GNG4: variants seen among roughly 807,000 people sequenced by gnomAD.
GNG4 encodes the protein guanine nucleotide-binding protein G(I)/G(S)/G(O) subunit gamma-4.
In GNG4, 4 loss-of-function variants were observed where a neutral mutation model predicts 5.8. The observed-to-expected ratio is 0.69, with a 90% CI of 0.34 to 1.57. The LOEUF (loss-of-function observed/expected upper bound fraction) is 1.57, where lower values mean the gene tolerates loss of function less well. Ranked by LOEUF, GNG4 falls within the 40% of genes most tolerant of loss-of-function variation. The probability of loss-of-function intolerance (pLI) is 0.06; values close to 1 mark genes in which losing one functional copy is unlikely to be tolerated. For synonymous variants in GNG4, 29 were observed against 32.9 expected (o/e 0.88, Z 0.41); for missense variants, 96 against 95.1 (o/e 1.01, Z -0.04).
intron 2 of GNG4, among the ~76,000 whole-genome samples, chr1:235,594,752 C>T (rs1688081790): frequency 6.6e-6 from 1 of 152,206 alleles, no homozygotes; most frequent in African/African-American, 2.4e-5. Flanking sequence ...CCAGTTCCCG[C>T]CCGTGCCTCT....
chr1:235,619,202 C>CAA (rs1553371262), intron 1 of GNG4, among the ~76,000 whole-genome samples: 1 of 136,364 alleles, frequency 7.3e-6, no homozygotes, highest in African/African-American at 2.7e-5. Context: ...TACACACACA[C>CAA]ATATATATAT....
chr1:235,599,560 C>A (rs1007554226), intron 1 of GNG4, among the ~76,000 whole-genome samples: 2 of 152,114 alleles, frequency 1.3e-5, no homozygotes, highest in African/African-American at 4.8e-5. Context: ...AAGTGATCCG[C>A]CCACCTTGGC....
At chr1:235,605,313 C>T (rs1688336078) in intron 1 of GNG4, among the ~76,000 whole-genome samples, 1 of 151,978 alleles carries the variant, frequency 6.6e-6, no homozygotes, top group African/African-American at 2.4e-5. Context: ...GCCTTAGCCT[C>T]CCAAGTAGCT....
At chr1:235,640,913 C>T (rs1005537876) in intron 1 of GNG4, among the ~76,000 whole-genome samples, 2 of 152,228 alleles carry the variant, frequency 1.3e-5, no homozygotes, top group African/African-American at 2.4e-5. Context: ...GTGAAGAGGC[C>T]CACTTTGGAG....
intron 1 of GNG4, among the ~76,000 whole-genome samples, chr1:235,631,713 G>A (rs1688935899): frequency 1.3e-5 from 2 of 151,760 alleles, no homozygotes; most frequent in South Asian, 4.2e-4. Context: ...GATTACAGGT[G>A]TATGCCACCA....
chr1:235,595,432 C>T lies in GNG4; in HGVS notation c.-43G>A, dbSNP rs113083427. The stretch of plus-strand genomic sequence containing the variant: ...GAGGCAGCCGTGTGACAGGCCTGGG[C>T]AAGGGACAGAGGCTGGCGGTGGCAG... On this transcript the variant is annotated 5_prime_UTR_variant, in exon 2 of 4. Coordinates refer to ENST00000391854, the MANE Select transcript of GNG4 (RefSeq NM_001098722.2). The T allele has an allele frequency of 0.027, 4,125 of 152,448 alleles. 178 individuals are homozygous for T. The highest frequency in any genetic ancestry group is 0.093 in the African/African-American group (3,879 of 41,518). 9.4% of individuals were successfully genotyped at this position (152,448 alleles called of 1,614,324 possible).
intron 3 of GNG4, among the ~76,000 whole-genome samples, chr1:235,577,518 G>T (rs529368875): frequency 1.8e-4 from 28 of 152,162 alleles, no homozygotes; most frequent in African/African-American, 6.3e-4. Flanking sequence ...TCAGCTCACT[G>T]CAACCTCCGC....
intron 3 of GNG4, among the ~76,000 whole-genome samples, chr1:235,559,172 T>C (rs1686994498): frequency 1.3e-5 from 2 of 152,226 alleles, no homozygotes; most frequent in Admixed American, 1.3e-4. Context: ...AGCATCTTGG[T>C]TGGCTTTGCC....
chr1:235,560,989 T>C (rs573984047), intron 3 of GNG4, among the ~76,000 whole-genome samples: 6 of 152,310 alleles, frequency 3.9e-5, no homozygotes, highest in Admixed American at 3.9e-4. Flanking sequence ...TCTTTTGTGA[T>C]GTGTCTGATC....
At chr1:235,620,559 G>A (rs145089820) in intron 1 of GNG4, among the ~76,000 whole-genome samples, 8,173 of 152,112 alleles carry the variant, frequency 0.054, 452 homozygotes, top group African/African-American at 0.15. Context: ...TTTTTGAGAC[G>A]GAGTCTCGCT....
rs1321299825 is a variant in GNG4 at position 235,649,259 on chromosome 1, G to C, written c.-123+403C>G. On this transcript the variant is annotated intron_variant, in intron 1 of 3. Coordinates refer to ENST00000391854, the MANE Select transcript of GNG4 (RefSeq NM_001098722.2). This position sits in a 1 kb window ranked among gnomAD's most constrained non-coding sequence, Gnocchi z 5.7. The stretch of plus-strand genomic sequence containing the variant: ...CGCCCAACCAGCCACGCCATCTCCT[G>C]CCACTGAGGTCCTTTTCCACGGGGG... Among the ~76,000 whole-genome samples, 1 of 152,224 alleles carries C rather than the reference G, an allele frequency of 6.6e-6. No individual in the cohort carries two copies. The highest frequency in any genetic ancestry group is 1.5e-5 in the Non-Finnish European group (1 of 68,038).
intron 1 of GNG4, among the ~76,000 whole-genome samples, chr1:235,598,173 A>T (rs1688169908): frequency 6.6e-6 from 1 of 152,174 alleles, no homozygotes; most frequent in African/African-American, 2.4e-5. Flanking sequence ...ATGTACAGAG[A>T]CTAAGGCCCT....
intron 3 of GNG4, among the ~76,000 whole-genome samples, chr1:235,562,113 C>CTT (rs1222014348): frequency 6.6e-6 from 1 of 152,132 alleles, no homozygotes; most frequent in Non-Finnish European, 1.5e-5. Flanking sequence ...GATCAGCTGG[C>CTT]TATATTTACA....
intron 1 of GNG4, among the ~76,000 whole-genome samples, chr1:235,643,489 T>G (rs994135572): frequency 1.3e-5 from 2 of 152,238 alleles, no homozygotes; most frequent in Non-Finnish European, 2.9e-5. Context: ...CTGGAGTGCA[T>G]GACCATATCT....
intron 3 of GNG4, among the ~76,000 whole-genome samples, chr1:235,567,325 A>G (rs916378656): frequency 3.9e-5 from 6 of 152,220 alleles, no homozygotes; most frequent in African/African-American, 1.4e-4. Context: ...AACATACATG[A>G]CATCAAATGC....
At chr1:235,614,051 G>A (rs994085506) in intron 1 of GNG4, among the ~76,000 whole-genome samples, 5 of 152,200 alleles carry the variant, frequency 3.3e-5, no homozygotes, top group African/African-American at 1.2e-4. Flanking sequence ...GAGCTCAAGT[G>A]ATCTGCCTGC....
At chr1:235,631,345 C>T (rs57220186) in intron 1 of GNG4, among the ~76,000 whole-genome samples, 4,316 of 152,236 alleles carry the variant, frequency 0.028, 207 homozygotes, top group African/African-American at 0.095. Flanking sequence ...ACCCTCTGCT[C>T]GGATAAACTC....
At chr1:235,639,812 T>G (rs1279370625) in intron 1 of GNG4, among the ~76,000 whole-genome samples, 2 of 152,186 alleles carry the variant, frequency 1.3e-5, no homozygotes, top group Non-Finnish European at 2.9e-5. Flanking sequence ...CCGCTCTGTG[T>G]TGTGTTATAA....
rs556119140 is a variant in GNG4, at chr1:235,604,476, G to A, written c.-122-8965C>T. 5.9e-5 allele frequency among the ~76,000 whole-genome samples: 9 copies of A among 152,300 alleles called. No homozygotes were observed. In the South Asian group the frequency reaches 6.2e-4, roughly 11 times the overall value. On this transcript the variant is annotated intron_variant, in intron 1 of 3. Coordinates refer to ENST00000391854, the MANE Select transcript of GNG4 (RefSeq NM_001098722.2). Reference sequence around the variant, plus strand: ...AAAATCAAGGTGTTGGCAGGGTCACGCTCCCTCTGAAGGCCCCAGGAGAAA... The same window carrying A: ...AAAATCAAGGTGTTGGCAGGGTCACACTCCCTCTGAAGGCCCCAGGAGAAA...
Sources: gnomAD v4.1 joint callset for allele counts (sites outside exome capture counted in the v4.1 genomes callset) on GRCh38, gnomAD v4.1.1 for gene constraint, Gnocchi (gnomAD v3.1) non-coding constraint, MANE v1.5 for transcripts, NCBI Gene and HGNC (gene_info 2026-07-23, HGNC 2026-07-21) for gene names.